LDHA: variants seen among roughly 807,000 people sequenced by gnomAD.
The protein encoded by LDHA is L-lactate dehydrogenase A chain.
A neutral mutation model predicts 36.3 loss-of-function variants in LDHA; 10 were observed. The observed-to-expected ratio is 0.28, with a 90% CI of 0.17 to 0.47. The LOEUF (loss-of-function observed/expected upper bound fraction) is 0.47. Among genes scored for constraint, LDHA ranks in the 20% least tolerant of loss-of-function variants. LDHA has a pLI of 0.99. For synonymous variants in LDHA, 110 were observed against 136.7 expected (o/e 0.80, Z 1.36); for missense variants, 267 against 405.8 (o/e 0.66, Z 2.94).
At chr11:18,405,330 G>A (rs1866647451) in intron 6 of LDHA, 119 bp from the exon 7 acceptor site, 2 of 997,058 alleles carry the variant, frequency 2.0e-6, no homozygotes, top group South Asian at 2.6e-5. Context: ...GGTTATTCTT[G>A]GTATAATGCA....
intron 7 of LDHA, 175 bp downstream of exon 7, chr11:18,405,747 T>C (rs1428446429): frequency 9.1e-6 from 6 of 660,730 alleles, no homozygotes; most frequent in African/African-American, 1.8e-5. Flanking sequence ...TTAATGTCCA[T>C]TAGGCCTGTT....
In LDHA at chr11:18,407,649, C is replaced by G; in HGVS notation, c.*368C>G. On this transcript the variant is annotated 3_prime_UTR_variant, in exon 8 of 8. Coordinates refer to ENST00000422447, the MANE Select transcript of LDHA (RefSeq NM_005566.4). ...GAACATGCCTAGTCCAACATTTTTT[C>G]CCAGTGAGTCACATCCTGGGATCCA... The G allele has an allele frequency of 1.7e-6, 1 of 585,592 alleles. No homozygotes were observed. Among genetic ancestry groups the G allele is most frequent in the Non-Finnish European group, 3.2e-6 (1 of 312,612 alleles). 36.3% of individuals were successfully genotyped at this position (585,592 alleles called of 1,614,324 possible). A position where few individuals can be genotyped will look rare whatever the true frequency, so the allele number is the denominator to read the frequency against.
chr11:18,407,076 A>G (rs201367554), intron 7 of LDHA, 41 bp from the exon 8 acceptor site: 2 of 1,490,094 alleles, frequency 1.3e-6, no homozygotes, highest in South Asian at 2.4e-5. Flanking sequence ...GGGAATGCAT[A>G]GACAAAATGT....
chr11:18,398,139 A>C (rs769133384), intron 2 of LDHA, among the ~76,000 whole-genome samples: 2 of 152,150 alleles, frequency 1.3e-5, no homozygotes, highest in Non-Finnish European at 2.9e-5. Flanking sequence ...TGATTTAGGG[A>C]TAGATCTGCA....
intron 6 of LDHA, among the ~76,000 whole-genome samples, chr11:18,404,665 G>A (rs1021983437): frequency 3.3e-5 from 5 of 151,692 alleles, no homozygotes; most frequent in Admixed American, 6.6e-5. Flanking sequence ...AAAATTAGCC[G>A]GGCGTGGTGG....
intron 2 of LDHA, 180 bp from the exon 3 acceptor site, chr11:18,399,251 T>G (rs1866398155): frequency 5.0e-6 from 3 of 597,324 alleles, no homozygotes; most frequent in Non-Finnish European, 9.1e-6. Context: ...GTGCTATCTA[T>G]GTAGGGTGTA....
At chr11:18,405,653 C>T (rs1866657775) in intron 7 of LDHA, 81 bp downstream of exon 7, 5 of 1,437,824 alleles carry the variant, frequency 3.5e-6, no homozygotes, top group Non-Finnish European at 4.9e-6. Flanking sequence ...AAGATTAATA[C>T]AAGTCTTCCA....
rs118185287 is a variant in LDHA at position 18,402,563 on chromosome 11, G to C, written c.419-277G>C. The C allele has an allele frequency of 0.015, 5,509 of 375,492 alleles. 56 individuals are homozygous for C. The highest frequency in any genetic ancestry group is 0.021 in the Non-Finnish European group (4,215 of 196,750). The allele number at this position is 375,492 out of a possible 1,614,324, so 23.3% of individuals were successfully genotyped here. On this transcript the variant is annotated intron_variant, in intron 4 of 7. Transcript: ENST00000422447. ...TCCTCCCACCTCAGCCTCCCAAAGT[G>C]TTGGGATAACAGGTGTGAGTTGTCA...
intron 4 of LDHA, among the ~76,000 whole-genome samples, chr11:18,401,837 GTTT>G (rs1416513918): frequency 2.7e-5 from 4 of 149,532 alleles, no homozygotes; most frequent in Non-Finnish European, 4.4e-5. Context: ...TGTGTTTTTT[GTTT>G]TTTAATAATT....
intron 7 of LDHA, among the ~76,000 whole-genome samples, chr11:18,406,487 G>C (rs1180955673): frequency 1.3e-5 from 2 of 151,120 alleles, no homozygotes; most frequent in Non-Finnish European, 2.9e-5. Flanking sequence ...GGGAGGCCAA[G>C]GGGTGGATCA....
At chr11:18,397,734 C>T (rs186662679) in intron 2 of LDHA, among the ~76,000 whole-genome samples, 1 of 152,030 alleles carries the variant, frequency 6.6e-6, no homozygotes, top group African/African-American at 2.4e-5. Flanking sequence ...TTGCTTGAAC[C>T]CAGGAGGTGG....
Position 18,403,390 on chromosome 11 carries a change from A to C in LDHA, c.593-304A>C, listed in dbSNP as rs1267411548. On this transcript the variant is annotated intron_variant, in intron 5 of 7. Transcript: ENST00000422447. ...ATCACAGTTGAAAAATGTTATGATT[A>C]GGTTCTGTATGCTAAGAAAACCCCC... 3.3e-5 allele frequency among the ~76,000 whole-genome samples: 5 copies of C among 152,338 alleles called. No individual in the cohort carries two copies. The East Asian group carries it at 9.6e-4, about 29-fold the overall frequency.
chr11:18,397,483 T>G (rs1450105692), intron 2 of LDHA: 2 of 152,308 alleles, frequency 1.3e-5, no homozygotes, highest in Non-Finnish European at 2.9e-5. Context: ...GAAAGCTGAT[T>G]TATATTTAAA....
rs1279545924 is a variant in LDHA, at chr11:18,396,903, A to G, written c.61A>G (p.Asn21Asp). The G allele has an allele frequency of 1.2e-6, 2 of 1,613,906 alleles. No individual in the cohort carries two copies. Among genetic ancestry groups the G allele is most frequent in the Non-Finnish European group, 1.7e-6 (2 of 1,179,800 alleles). Residue 21 changes from asparagine (N) to aspartate (D), a missense_variant, in exon 2 of 8, where the codon AAT becomes GAT. Transcript: ENST00000422447. The part of the protein sequence containing the change: ...NLLKEEQTPQ[N>D]KITVVGVGAV... ...TCTAAAGGAAGAACAGACCCCCCAGAATAAGATTACAGTTGTTGGGGTTGG... is the reference window on the plus strand; with the variant it reads ...TCTAAAGGAAGAACAGACCCCCCAGGATAAGATTACAGTTGTTGGGGTTGG...
At chr11:18,399,157 T>C in intron 2 of LDHA, 1 of 432,868 alleles carries the variant, frequency 2.3e-6, no homozygotes, top group Non-Finnish European at 4.3e-6. Flanking sequence ...CAACTGCCAG[T>C]CCAGTGTTCT....
intron 6 of LDHA, among the ~76,000 whole-genome samples, chr11:18,404,729 A>AC (rs1866616566): frequency 6.9e-6 from 1 of 145,458 alleles, no homozygotes. Context: ...AATGGCATGA[A>AC]CCCGGTAGTT....
At chr11:18,401,135 G>A (rs914883949) in intron 4 of LDHA, 125 bp downstream of exon 4, 29 of 402,662 alleles carry the variant, frequency 7.2e-5, no homozygotes, top group Non-Finnish European at 3.0e-5. Flanking sequence ...AAATATTTTC[G>A]AATATTATTT....
chr11:18,401,611 G>C (rs1590214433), intron 4 of LDHA, among the ~76,000 whole-genome samples: 1 of 150,526 alleles, frequency 6.6e-6, no homozygotes, highest in African/African-American at 2.4e-5. Flanking sequence ...CCGAGTAGCT[G>C]GGACTACAGG....
chr11:18,399,681 A>G, intron 3 of LDHA, 133 bp downstream of exon 3: 2 of 737,332 alleles, frequency 2.7e-6, no homozygotes, highest in South Asian at 2.8e-5. Flanking sequence ...CCTGGGCTCA[A>G]GCAATCCTCC....
Sources: allele counts gnomAD v4.1 joint callset (sites outside exome capture counted in the v4.1 genomes callset), GRCh38; gene constraint gnomAD v4.1.1; transcripts MANE v1.5; gene names NCBI Gene and HGNC (gene_info 2026-07-23, HGNC 2026-07-21).